ELL: variants seen among roughly 807,000 people sequenced by gnomAD.
The protein encoded by ELL is elongation factor for RNA polymerase II.
ELL carries 18 observed loss-of-function variants against 64.0 expected under a neutral mutation model. The observed-to-expected ratio is 0.28, with a 90% CI of 0.19 to 0.42. ELL has a LOEUF of 0.42. Among genes scored for constraint, ELL ranks in the 10% least tolerant of loss-of-function variants. ELL has a pLI of 1.00. For missense variants in ELL, 797 were observed against 870.4 expected (o/e 0.92, Z 1.06); for synonymous variants, 399 against 376.2 (o/e 1.06, Z -0.70).
At chr19:18,472,663 G>T in intron 2 of ELL, 172 bp downstream of exon 2, 4 of 748,364 alleles carry the variant, frequency 5.3e-6, no homozygotes, top group Non-Finnish European at 8.7e-6. Context: ...GACACGTCCT[G>T]GTGTGGCCCC....
chr19:18,517,220 G>A (rs1976149185), intron 1 of ELL, among the ~76,000 whole-genome samples: 1 of 151,956 alleles, frequency 6.6e-6, no homozygotes, highest in Non-Finnish European at 1.5e-5. Context: ...AGAGCAAACC[G>A]GGAGATCCAC....
chr19:18,504,041 C>G (rs1600496677), intron 1 of ELL, among the ~76,000 whole-genome samples: 5 of 152,244 alleles, frequency 3.3e-5, no homozygotes, highest in Non-Finnish European at 7.3e-5. Flanking sequence ...CCTCGGCATC[C>G]AGGGAGGCCT....
chr19:18,518,012 G>C (rs544073115), intron 1 of ELL, among the ~76,000 whole-genome samples: 3 of 151,758 alleles, frequency 2.0e-5, no homozygotes, highest in East Asian at 3.9e-4. Flanking sequence ...CCTGAGGTCA[G>C]GAGTTCGAGA....
intron 2 of ELL, among the ~76,000 whole-genome samples, chr19:18,468,641 G>A (rs1317045779): frequency 2.6e-5 from 4 of 152,138 alleles, no homozygotes; most frequent in Non-Finnish European, 5.9e-5. Flanking sequence ...TGGCTCTCCC[G>A]CCCTCCTCTG....
chr19:18,456,319 C>A (rs942364645), intron 6 of ELL, among the ~76,000 whole-genome samples: 1 of 152,224 alleles, frequency 6.6e-6, no homozygotes, highest in African/African-American at 2.4e-5. Flanking sequence ...TGGACCAGCA[C>A]AGGGTTGGGG....
intron 1 of ELL, 188 bp from the exon 2 acceptor site, chr19:18,473,070 A>G: frequency 1.4e-6 from 1 of 710,570 alleles, no homozygotes; most frequent in Non-Finnish European, 2.4e-6. Context: ...TAGAAGGATC[A>G]GTAGGAGTTC....
rs541747252 is a variant in ELL at position 18,484,511 on chromosome 19, C to T, written c.136-11629G>A. 4.2e-4 allele frequency among the ~76,000 whole-genome samples: 64 copies of T among 152,090 alleles called. 3 individuals carry two copies. In the South Asian group the frequency reaches 0.012, roughly 29 times the overall value. On this transcript the variant is annotated intron_variant, in intron 1 of 11. Transcript: ENST00000262809. Reference sequence around the variant, plus strand: ...TAAAAATTAGCCAGGTGTGGTAATGCGCACCTGCAGTCCCAGCTACTCAGG... The same window carrying T: ...TAAAAATTAGCCAGGTGTGGTAATGTGCACCTGCAGTCCCAGCTACTCAGG...
chr19:18,493,157 A>C (rs1195440865), intron 1 of ELL, among the ~76,000 whole-genome samples: 1 of 152,092 alleles, frequency 6.6e-6, no homozygotes, highest in Non-Finnish European at 1.5e-5. Context: ...AGCTTATCCC[A>C]TGGAGACAAG....
chr19:18,466,513 A>G (rs2144921441), intron 2 of ELL, among the ~76,000 whole-genome samples: 2 of 152,302 alleles, frequency 1.3e-5, no homozygotes, highest in Non-Finnish European at 2.9e-5. Context: ...CAAGCCTGTC[A>G]TGGGTCACAC....
Position 18,519,353 on chromosome 19 carries a change from G to A in ELL, c.135+2568C>T, listed in dbSNP as rs544245228. Among the ~76,000 whole-genome samples the A allele has an allele frequency of 9.8e-5, 15 of 152,324 alleles. No individual in the cohort carries two copies. In the South Asian group the frequency reaches 2.3e-3, roughly 23 times the overall value. On this transcript the variant is annotated intron_variant, in intron 1 of 11. Coordinates refer to ENST00000262809, the MANE Select transcript of ELL (RefSeq NM_006532.4). ...TTCTGGGTGATAGAGTTGTCCACAT[G>A]AGAGTTTGTCCATAACCAGTATATT...
At chr19:18,503,997 C>G (rs1027215289) in intron 1 of ELL, among the ~76,000 whole-genome samples, 4 of 152,252 alleles carry the variant, frequency 2.6e-5, no homozygotes, top group Non-Finnish European at 4.4e-5. Flanking sequence ...CACATCCCCC[C>G]GCCTGATCCA....
chr19:18,472,154 T>C (rs1275776713), intron 2 of ELL, among the ~76,000 whole-genome samples: 2 of 151,966 alleles, frequency 1.3e-5, no homozygotes, highest in African/African-American at 4.8e-5. Context: ...TAGAGACGCG[T>C]TTCTCTACGT....
intron 1 of ELL, among the ~76,000 whole-genome samples, chr19:18,497,751 A>T (rs908809830): frequency 6.8e-6 from 1 of 147,026 alleles, no homozygotes; most frequent in Non-Finnish European, 1.5e-5. Context: ...TAGGAGATCA[A>T]GGCTGCAGTG....
chr19:18,470,952 T>G (rs940677360), intron 2 of ELL: 10 of 456,422 alleles, frequency 2.2e-5, no homozygotes, highest in Admixed American at 1.4e-4. Flanking sequence ...AGGCTCCATG[T>G]CTCTGCAGAA....
intron 1 of ELL, among the ~76,000 whole-genome samples, chr19:18,484,627 G>A (rs1391312097): frequency 6.6e-6 from 1 of 152,174 alleles, no homozygotes; most frequent in East Asian, 1.9e-4. Context: ...GTGACAGAGA[G>A]AGATACTGTC....
At chr19:18,465,290 C>G in intron 4 of ELL, 122 bp downstream of exon 4, 1 of 1,371,066 alleles carries the variant, frequency 7.3e-7, no homozygotes, top group Admixed American at 2.7e-5. Flanking sequence ...GGACCGACTC[C>G]TCGGTTGACC....
intron 1 of ELL, among the ~76,000 whole-genome samples, chr19:18,485,068 C>T (rs1032283455): frequency 2.6e-5 from 4 of 152,222 alleles, no homozygotes; most frequent in Non-Finnish European, 5.9e-5. Context: ...CTGACATGGG[C>T]CATCCCCTCA....
At chr19:18,516,554 G>A (rs1415788679) in intron 1 of ELL, among the ~76,000 whole-genome samples, 1 of 131,910 alleles carries the variant, frequency 7.6e-6, no homozygotes, top group Non-Finnish European at 1.5e-5. Flanking sequence ...TCACTGGTGG[G>A]TATCCCGCCC....
chr19:18,458,188 A>C lies in ELL; in HGVS notation c.869+17T>G. The C allele has an allele frequency of 6.2e-7, 1 of 1,606,022 alleles. No homozygotes were observed. The highest frequency in any genetic ancestry group is 8.5e-7 in the Non-Finnish European group (1 of 1,179,584). On this transcript the variant is annotated intron_variant, in intron 6 of 11. Transcript: ENST00000262809. ...CATGCGGGTGGGGACATGCTGGGGG[A>C]TGGGAGGCGGCATTACCGGACGAGC...
Sources: allele counts gnomAD v4.1 joint callset (sites outside exome capture counted in the v4.1 genomes callset), GRCh38; gene constraint gnomAD v4.1.1; transcripts MANE v1.5; gene names NCBI Gene and HGNC (gene_info 2026-07-23, HGNC 2026-07-21).